Variants in XKR4 observed in about 807,000 individuals in gnomAD.
XKR4 encodes XK related 4.
A neutral mutation model predicts 53.9 loss-of-function variants in XKR4; 12 were observed. The observed-to-expected ratio is 0.22, with a 90% CI of 0.14 to 0.36. XKR4 has a LOEUF of 0.36. XKR4 is among the 10% of genes least tolerant of loss of function. The pLI, the probability that XKR4 is intolerant of heterozygous loss-of-function variation, is 1.00. For synonymous variants in XKR4, 354 were observed against 362.4 expected (o/e 0.98, Z 0.26); for missense variants, 799 against 859.5 (o/e 0.93, Z 0.88).
chr8:55,116,896 A>G (rs1816315843), intron 1 of XKR4, among the ~76,000 whole-genome samples: 1 of 152,128 alleles, frequency 6.6e-6, no homozygotes, highest in Non-Finnish European at 1.5e-5. Context: ...GCTTGCTACT[A>G]CCCACCTGTG....
At chr8:55,389,867 T>A (rs1804418857) in intron 2 of XKR4, among the ~76,000 whole-genome samples, 1 of 152,178 alleles carries the variant, frequency 6.6e-6, no homozygotes, top group Admixed American at 6.5e-5. Flanking sequence ...GTCCTCAGGT[T>A]CCTAGTGCCT....
intron 2 of XKR4, among the ~76,000 whole-genome samples, chr8:55,431,040 T>C (rs1277059031): frequency 1.3e-5 from 2 of 152,220 alleles, no homozygotes; most frequent in East Asian, 3.8e-4. Context: ...CTCTCCATAT[T>C]ATTTCTTACA....
intron 1 of XKR4, among the ~76,000 whole-genome samples, chr8:55,306,997 C>G (rs1819310755): frequency 6.7e-6 from 1 of 148,470 alleles, no homozygotes; most frequent in African/African-American, 2.5e-5. Context: ...TAGATCAATA[C>G]AGATCACAGA....
intron 2 of XKR4, among the ~76,000 whole-genome samples, chr8:55,399,841 C>T (rs1804573647): frequency 6.6e-6 from 1 of 152,130 alleles, no homozygotes. Context: ...GGGAGTCCAT[C>T]GTGGAGACTT....
intron 1 of XKR4, among the ~76,000 whole-genome samples, chr8:55,349,392 G>C (rs1202868683): frequency 1.3e-5 from 2 of 152,158 alleles, no homozygotes; most frequent in African/African-American, 4.8e-5. Context: ...TATGATCATG[G>C]AACCTGGTAT....
chr8:55,416,071 C>T (rs1804841828), intron 2 of XKR4, among the ~76,000 whole-genome samples: 1 of 152,056 alleles, frequency 6.6e-6, no homozygotes, highest in Non-Finnish European at 1.5e-5. Flanking sequence ...TCCACTCCCG[C>T]CATAATTTTT....
At chr8:55,517,787 C>G (rs961420788) in intron 2 of XKR4, 1 of 100,706 alleles carries the variant, frequency 9.9e-6, no homozygotes, top group African/African-American at 3.3e-5. Flanking sequence ...TGTTCTGACT[C>G]TGGAAATAAA....
chr8:55,381,464 C>T (rs984541231), intron 2 of XKR4, among the ~76,000 whole-genome samples: 1 of 152,114 alleles, frequency 6.6e-6, no homozygotes, highest in Non-Finnish European at 1.5e-5. Context: ...TCAGCCAGGG[C>T]CAAAGGCCTG....
At chr8:55,517,057 C>T in intron 2 of XKR4, among the ~76,000 whole-genome samples, 1 of 152,042 alleles carries the variant, frequency 6.6e-6, no homozygotes. Flanking sequence ...TTCTCACTCA[C>T]AAGTGGGAGC....
intron 2 of XKR4, among the ~76,000 whole-genome samples, chr8:55,410,930 C>T (rs1334528497): frequency 6.6e-6 from 1 of 152,202 alleles, no homozygotes; most frequent in Non-Finnish European, 1.5e-5. Flanking sequence ...CTTCCCAAGA[C>T]AGATTGAGCC....
At chr8:55,441,798 T>C (rs1805272147) in intron 2 of XKR4, among the ~76,000 whole-genome samples, 1 of 152,104 alleles carries the variant, frequency 6.6e-6, no homozygotes, top group African/African-American at 2.4e-5. Context: ...TGAAAAATAA[T>C]TTGGATGAAA....
intron 1 of XKR4, among the ~76,000 whole-genome samples, chr8:55,286,292 A>T (rs371117533): frequency 7.2e-5 from 11 of 152,326 alleles, no homozygotes; most frequent in African/African-American, 2.6e-4. Flanking sequence ...GTGAAGAGAA[A>T]TGTGGAGTTT....
At chr8:55,305,257 G>T (rs1000426757) in intron 1 of XKR4, among the ~76,000 whole-genome samples, 4 of 152,144 alleles carry the variant, frequency 2.6e-5, no homozygotes, top group African/African-American at 9.7e-5. Flanking sequence ...TATTGGGCAG[G>T]TCCAATACCA....
intron 1 of XKR4, among the ~76,000 whole-genome samples, chr8:55,145,525 C>T (rs1356360638): frequency 6.6e-6 from 1 of 152,078 alleles, no homozygotes; most frequent in African/African-American, 2.4e-5. Context: ...TAATTTGGGG[C>T]ACTGGAGAGA....
At chr8:55,473,382 T>G (rs112960885) in intron 2 of XKR4, among the ~76,000 whole-genome samples, 5 of 152,252 alleles carry the variant, frequency 3.3e-5, no homozygotes, top group African/African-American at 1.2e-4. Flanking sequence ...TTTATTTTAC[T>G]AATTTATTCA....
At chr8:55,207,633 C>T (rs574959192) in intron 1 of XKR4, among the ~76,000 whole-genome samples, 52 of 3,592 alleles carry the variant, frequency 0.014, 1 homozygote, top group East Asian at 0.14. Context: ...CACACATGCG[C>T]GCGCACACAC....
intron 2 of XKR4, among the ~76,000 whole-genome samples, chr8:55,473,286 G>A (rs140484522): frequency 6.6e-6 from 1 of 152,188 alleles, no homozygotes; most frequent in Non-Finnish European, 1.5e-5. Flanking sequence ...AAGTGTTATT[G>A]TTCTTGTTTA....
intron 1 of XKR4, among the ~76,000 whole-genome samples, chr8:55,267,827 A>G (rs1337654189): frequency 6.6e-6 from 1 of 152,180 alleles, no homozygotes; most frequent in Admixed American, 6.5e-5. Context: ...CCTGCACCTC[A>G]CGTCCAATTA....
chr8:55,175,785 C>T (rs1021499054), intron 1 of XKR4, among the ~76,000 whole-genome samples: 16 of 152,178 alleles, frequency 1.1e-4, no homozygotes, highest in African/African-American at 3.9e-4. Context: ...AAGACCATAT[C>T]AGTGTGTAAT....
Sources: gnomAD v4.1 joint callset for allele counts (sites outside exome capture counted in the v4.1 genomes callset) on GRCh38, gnomAD v4.1.1 for gene constraint, MANE v1.5 for transcripts, NCBI Gene and HGNC (gene_info 2026-07-23, HGNC 2026-07-21) for gene names.